Variants in OR2L13 observed in about 807,000 individuals in gnomAD.
OR2L13 encodes olfactory receptor family 2 subfamily L member 13, also known as olfactory receptor 2L13.
Under a neutral mutation model 15.3 loss-of-function variants are expected in OR2L13, and 14 were observed. That is an observed-to-expected ratio of 0.91 (90% CI 0.60 to 1.43). OR2L13 has a LOEUF of 1.43. Ranked by LOEUF, OR2L13 falls within the 40% of genes most tolerant of loss-of-function variation. The pLI, the probability that OR2L13 is intolerant of heterozygous loss-of-function variation, is 0.00. For synonymous variants in OR2L13, 152 were observed against 142.9 expected, an observed-to-expected ratio of 1.06 and a Z score of -0.45; for missense variants, 367 against 387.9, an observed-to-expected ratio of 0.95 and a Z score of 0.45.
the OR2L13 span, among the ~76,000 whole-genome samples, chr1:247,940,095 T>G: frequency 6.6e-6 from 1 of 152,338 alleles, no homozygotes; most frequent in Admixed American, 6.5e-5. Flanking sequence ...GTTTTGACAC[T>G]TTAGTTTCCT....
chr1:248,019,755 C>T, the OR2L13 span, among the ~76,000 whole-genome samples: 5 of 144,976 alleles, frequency 3.4e-5, no homozygotes, highest in South Asian at 1.0e-3. Context: ...TCTCCTTCTC[C>T]TTCTTCTTCT....
chr1:248,092,261 T>A (rs1664613491), upstream of OR2L13, among the ~76,000 whole-genome samples: 1 of 152,202 alleles, frequency 6.6e-6, no homozygotes, highest in African/African-American at 2.4e-5. Flanking sequence ...GTTTAAATGC[T>A]TTTCATTTTT....
chr1:248,026,311 C>T, the OR2L13 span, among the ~76,000 whole-genome samples: 624 of 152,316 alleles, frequency 4.1e-3, 5 homozygotes, highest in Non-Finnish European at 6.4e-3. Context: ...TTTCCTTCTG[C>T]CTTCACCACT....
chr1:248,083,869 C>T, the OR2L13 span: 6 of 1,611,914 alleles, frequency 3.7e-6, no homozygotes, highest in Non-Finnish European at 5.1e-6. Context: ...ACCACAGCCA[C>T]ATGTGAAGAG....
chr1:248,061,083 C>T, the OR2L13 span: 1 of 1,614,022 alleles, frequency 6.2e-7, no homozygotes. Flanking sequence ...ATCCCATCCG[C>T]ATGAGCAAAA....
the OR2L13 span, among the ~76,000 whole-genome samples, chr1:247,993,342 G>GTTTT: frequency 7.6e-3 from 1,030 of 134,948 alleles, 20 homozygotes; most frequent in African/African-American, 0.025. Context: ...TTTCCTCGTT[G>GTTTT]TTTTTTTTTT....
the OR2L13 span, among the ~76,000 whole-genome samples, chr1:247,987,047 AT>A: frequency 0.039 from 5,917 of 151,712 alleles, 352 homozygotes; most frequent in African/African-American, 0.13. Context: ...TAAGTGTTTC[AT>A]TTTTTTTGAT....
At chr1:247,973,179 G>C in the OR2L13 span, among the ~76,000 whole-genome samples, 1 of 152,104 alleles carries the variant, frequency 6.6e-6, no homozygotes, top group Non-Finnish European at 1.5e-5. Flanking sequence ...CACACTGAAT[G>C]GGCAAAATCT....
the OR2L13 span, chr1:247,939,249 A>G: frequency 4.7e-3 from 714 of 152,302 alleles, 7 homozygotes; most frequent in African/African-American, 0.016. Flanking sequence ...ATGTAGAAAC[A>G]CTAGAGGGTG....
chr1:247,945,763 C>A, the OR2L13 span, among the ~76,000 whole-genome samples: 1 of 152,110 alleles, frequency 6.6e-6, no homozygotes, highest in East Asian at 1.9e-4. Context: ...CCTTCTTTGT[C>A]TTTTTTGACC....
chr1:248,044,337 T>C, the OR2L13 span, among the ~76,000 whole-genome samples: 10 of 152,262 alleles, frequency 6.6e-5, no homozygotes, highest in African/African-American at 2.4e-4. Context: ...TAAAAATAAA[T>C]GGAATACATA....
the OR2L13 span, among the ~76,000 whole-genome samples, chr1:247,984,191 A>G: frequency 6.6e-6 from 1 of 151,900 alleles, no homozygotes; most frequent in Non-Finnish European, 1.5e-5. Context: ...ATTCCTAACC[A>G]GTTAAGTAGG....
At chr1:248,033,079 A>G in the OR2L13 span, among the ~76,000 whole-genome samples, 1 of 152,212 alleles carries the variant, frequency 6.6e-6, no homozygotes, top group African/African-American at 2.4e-5. Flanking sequence ...TAGTAAATGT[A>G]TATTTTACTT....
the OR2L13 span, among the ~76,000 whole-genome samples, chr1:247,954,358 T>C: frequency 1.3e-5 from 2 of 152,202 alleles, no homozygotes; most frequent in African/African-American, 4.8e-5. Flanking sequence ...CAAAGATATA[T>C]ACATGGATTC....
the OR2L13 span, among the ~76,000 whole-genome samples, chr1:248,002,443 G>T: frequency 5.9e-5 from 9 of 152,212 alleles, no homozygotes; most frequent in Admixed American, 5.9e-4. Context: ...CACTACAGTG[G>T]GTACTTCATG....
At chr1:248,043,766 G>C in the OR2L13 span, among the ~76,000 whole-genome samples, 8 of 152,144 alleles carry the variant, frequency 5.3e-5, no homozygotes, top group Non-Finnish European at 7.3e-5. Flanking sequence ...ACAGAGTAGG[G>C]CGTTCCCGAA....
At chr1:248,086,169 G>A in the OR2L13 span, among the ~76,000 whole-genome samples, 2 of 152,096 alleles carry the variant, frequency 1.3e-5, no homozygotes, top group Middle Eastern at 3.4e-3. Flanking sequence ...ATATTCAGAA[G>A]CTTAAAAATC....
chr1:247,949,939 G>T, the OR2L13 span: 2 of 563,932 alleles, frequency 3.5e-6, no homozygotes, highest in Non-Finnish European at 5.6e-6. Context: ...GGACAAAATT[G>T]TTTTACAAAT....
At chr1:248,092,659 A>G (rs1049919053), upstream of OR2L13, among the ~76,000 whole-genome samples, 1 of 152,192 alleles carries the variant, frequency 6.6e-6, no homozygotes, top group Non-Finnish European at 1.5e-5. Context: ...TTAAACCAAA[A>G]CTTTATTGTC....
Sources: allele counts gnomAD v4.1 joint callset (sites outside exome capture counted in the v4.1 genomes callset), GRCh38; gene constraint gnomAD v4.1.1; transcripts MANE v1.5; gene names NCBI Gene and HGNC (gene_info 2026-07-23, HGNC 2026-07-21).